Variants in SH3BP4 observed in about 807,000 individuals in gnomAD.
The protein encoded by SH3BP4 is SH3 domain binding protein 4.
In SH3BP4, 33 loss-of-function variants were observed where a neutral mutation model predicts 65.5. The ratio of observed to expected loss-of-function variants is 0.50; its 90% CI spans 0.38 to 0.67. The LOEUF (loss-of-function observed/expected upper bound fraction) is 0.67, where lower values mean the gene tolerates loss of function less well. Among genes scored for constraint, SH3BP4 ranks in the 30% least tolerant of loss-of-function variants. SH3BP4 has a pLI of 0.00. For missense variants in SH3BP4, 1,134 were observed against 1,261.4 expected (o/e 0.90, Z 1.53); for synonymous variants, 552 against 545.5 (o/e 1.01, Z -0.17).
rs149937861 is a variant in SH3BP4 at position 235,048,239 on chromosome 2, G to A, written c.2479-4323G>A. ...TGCCATGTGCAGAAGGCTTCCCCTC[G>A]AGTTTTGGGGCATGTTGGGAAGGAA... On this transcript the variant is annotated intron_variant, in intron 4 of 5. Transcript: ENST00000392011. 1.6e-4 allele frequency among the ~76,000 whole-genome samples: 25 copies of A among 152,302 alleles called. No individual in the cohort carries two copies. In the East Asian group the frequency reaches 3.7e-3, roughly 22 times the overall value.
chr2:235,022,019 A>G (rs1694858742), intron 2 of SH3BP4, among the ~76,000 whole-genome samples: 1 of 152,220 alleles, frequency 6.6e-6, no homozygotes, highest in Non-Finnish European at 1.5e-5. Context: ...TTTTAAGTAA[A>G]GGAAAATAGA....
intron 3 of SH3BP4, among the ~76,000 whole-genome samples, chr2:235,038,262 A>C (rs1361939883): frequency 4.0e-5 from 1 of 25,234 alleles, no homozygotes; most frequent in African/African-American, 3.9e-4. Flanking sequence ...TATATAATAT[A>C]TATTATATAT....
At position 235,055,646 on chromosome 2, in the gene SH3BP4, T is replaced by A. The variant is rs1696201515; in HGVS notation, c.*1830T>A. ...TGCAGTAAATTTTATTTGGATATTT[T>A]AACCTGTTAAGTGTGTGTGTGTTTT... On this transcript the variant is annotated 3_prime_UTR_variant, in exon 6 of 6. Transcript: ENST00000392011. 1 of 152,676 alleles carries A rather than the reference T, an allele frequency of 6.5e-6. No homozygotes were observed. Among genetic ancestry groups the A allele is most frequent in the African/African-American group, 2.4e-5 (1 of 41,456 alleles). 9.5% of individuals were successfully genotyped at this position (152,676 alleles called of 1,614,324 possible). A position where few individuals can be genotyped will look rare whatever the true frequency, so the allele number is the denominator to read the frequency against.
chr2:235,052,626 C>T lies in SH3BP4; in HGVS notation c.2543C>T (p.Thr848Ile). The T allele has an allele frequency of 6.4e-7, 1 of 1,568,630 alleles. No individual in the cohort carries two copies. The highest frequency in any genetic ancestry group is 8.6e-7 in the Non-Finnish European group (1 of 1,157,350). Residue 848 changes from threonine (T) to isoleucine (I), a missense_variant, in exon 5 of 6, where the codon ACC (threonine) becomes ATC (isoleucine). Coordinates refer to ENST00000392011, the MANE Select transcript of SH3BP4 (RefSeq NM_014521.3). This position sits in a 1 kb window ranked among gnomAD's most constrained non-coding sequence, Gnocchi z 5.0. ...CTCATCCAGGACTTTGTGCTCCTGA[C>T]CACGGCTGTAGAGGTGGCCCAGCGC... ...VRLIQDFVLL[T>I]TAVEVAQRWR...
rs1695275082 is a variant in SH3BP4 at position 235,033,689 on chromosome 2, G to C, written c.-132-1182G>C. Among the ~76,000 whole-genome samples, 1 of 152,190 alleles carries C rather than the reference G, an allele frequency of 6.6e-6. No individual in the cohort carries two copies. Among genetic ancestry groups the C allele is most frequent in the South Asian group, 2.1e-4 (1 of 4,824 alleles). ...TCCCTATAGCAGCATGTGGACACAC[G>C]CCTTGCTCTGCTCACTGCACAGGGG... On this transcript the variant is annotated intron_variant, in intron 2 of 5. Transcript: ENST00000392011. This position sits in a 1 kb window ranked among gnomAD's most constrained non-coding sequence, Gnocchi z 5.7.
intron 2 of SH3BP4, among the ~76,000 whole-genome samples, chr2:235,023,867 T>A (rs67246718): frequency 0.21 from 32,027 of 152,088 alleles, 3,652 homozygotes; most frequent in East Asian, 0.45. Flanking sequence ...TTCTGGAGAT[T>A]CGGTGCCCTC....
chr2:235,037,056 C>G (rs1400100543), intron 3 of SH3BP4, among the ~76,000 whole-genome samples: 3 of 152,176 alleles, frequency 2.0e-5, no homozygotes, highest in African/African-American at 7.2e-5. Context: ...GCCAAAGTAT[C>G]TGCCATGAAA....
chr2:234,987,576 G>A (rs1480469671), intron 1 of SH3BP4, among the ~76,000 whole-genome samples: 2 of 152,180 alleles, frequency 1.3e-5, no homozygotes, highest in Admixed American at 6.5e-5. Context: ...CCCAACATGG[G>A]CGGCTCATGG....
intron 2 of SH3BP4, among the ~76,000 whole-genome samples, chr2:235,020,874 C>G (rs1401200831): frequency 1.3e-5 from 2 of 152,166 alleles, no homozygotes; most frequent in Non-Finnish European, 2.9e-5. Flanking sequence ...ATTGGTAGTG[C>G]CAAGGCCCCA....
Position 235,034,974 on chromosome 2 carries a change from G to A in SH3BP4, c.-29G>A, listed in dbSNP as rs761282221. On this transcript the variant is annotated 5_prime_UTR_variant, in exon 3 of 6. It removes the in-frame stop codon of an upstream open reading frame in the 5' UTR. Coordinates refer to ENST00000392011, the MANE Select transcript of SH3BP4 (RefSeq NM_014521.3). The surrounding 1 kb of genome is among the most constrained non-coding windows in gnomAD (Gnocchi z 6.2). ...CTGGAGGAAGAAATATGAAGCCTTA[G>A]CGGCTTTACCCGGGAAGCGAGTTTC... 1 of 1,576,550 alleles carries A rather than the reference G, an allele frequency of 6.3e-7. No homozygotes were observed. The highest frequency in any genetic ancestry group is 1.1e-5 in the South Asian group (1 of 90,374).
chr2:234,963,041 C>T (rs1054430406), intron 1 of SH3BP4, among the ~76,000 whole-genome samples: 12 of 152,300 alleles, frequency 7.9e-5, no homozygotes, highest in Non-Finnish European at 1.5e-4. Context: ...TGAGCCACCA[C>T]GCCCGGCAAT....
intron 2 of SH3BP4, among the ~76,000 whole-genome samples, chr2:235,018,813 C>T (rs927723747): frequency 1.3e-5 from 2 of 152,144 alleles, no homozygotes; most frequent in African/African-American, 4.8e-5. Flanking sequence ...ACGGAGCTTA[C>T]CTTCCAGAGG....
intron 1 of SH3BP4, among the ~76,000 whole-genome samples, chr2:234,969,632 C>T (rs778185503): frequency 6.6e-6 from 1 of 152,184 alleles, no homozygotes; most frequent in African/African-American, 2.4e-5. Context: ...AATAAGCCTC[C>T]GCTTTTCCAC....
chr2:235,048,840 C>T (rs1002120490), intron 4 of SH3BP4, among the ~76,000 whole-genome samples: 3 of 152,334 alleles, frequency 2.0e-5, no homozygotes, highest in African/African-American at 7.2e-5. Flanking sequence ...ATGGTGTACT[C>T]ACTGTAACAA....
chr2:235,010,012 C>T (rs534605059), intron 2 of SH3BP4, among the ~76,000 whole-genome samples: 2 of 152,078 alleles, frequency 1.3e-5, no homozygotes, highest in Non-Finnish European at 2.9e-5. Flanking sequence ...GCTGGAGCTT[C>T]CTGGAGGGTC....
At chr2:235,049,245 G>C (rs1171948159) in intron 4 of SH3BP4, among the ~76,000 whole-genome samples, 2 of 152,208 alleles carry the variant, frequency 1.3e-5, no homozygotes, top group African/African-American at 2.4e-5. Context: ...GAGAACACCT[G>C]TGTTTCCCAG....
rs994748875 is a variant in SH3BP4, at chr2:235,052,368, C to T, written c.2479-194C>T. On this transcript the variant is annotated intron_variant, in intron 4 of 5. Transcript: ENST00000392011. This position sits in a 1 kb window ranked among gnomAD's most constrained non-coding sequence, Gnocchi z 5.0. ...GAGGGAGACACTGGTGAACCTGGCA[C>T]GCTCTGCACATCATCTCTTTTCTCC... 5.9e-5 allele frequency among the ~76,000 whole-genome samples: 9 copies of T among 152,106 alleles called. No individual in the cohort carries two copies. Among genetic ancestry groups the T allele is most frequent in the East Asian group, 1.9e-4 (1 of 5,186 alleles).
rs1270813367 is a variant in SH3BP4 at position 235,005,162 on chromosome 2, A to G, written c.-133+9786A>G. On this transcript the variant is annotated intron_variant, in intron 2 of 5. Coordinates refer to ENST00000392011, the MANE Select transcript of SH3BP4 (RefSeq NM_014521.3). The stretch of plus-strand genomic sequence containing the variant: ...TAGGCCAGGTGTTTGCCCAGGTGTC[A>G]CACAGGAGGCTTGCTGTGGAAAGGC... Among the ~76,000 whole-genome samples, 3 of 152,198 alleles carry G rather than the reference A, an allele frequency of 2.0e-5. No homozygotes were observed. The East Asian group carries it at 5.8e-4, about 29-fold the overall frequency.
chr2:234,991,208 G>A lies in SH3BP4; in HGVS notation c.-206-4095G>A, dbSNP rs1417618998. 6.6e-6 allele frequency among the ~76,000 whole-genome samples: 1 copy of A among 152,146 alleles called. No homozygotes were observed. Among genetic ancestry groups the A allele is most frequent in the African/African-American group, 2.4e-5 (1 of 41,426 alleles). On this transcript the variant is annotated intron_variant, in intron 1 of 5. Coordinates refer to ENST00000392011, the MANE Select transcript of SH3BP4 (RefSeq NM_014521.3). The surrounding 1 kb of genome is among the most constrained non-coding windows in gnomAD (Gnocchi z 4.2). The stretch of plus-strand genomic sequence containing the variant: ...TTTAGGACACAGTGGTCATCTCTGT[G>A]TGTGAATATAGCTTCCTGTTTGGAT...
Sources: gnomAD v4.1 joint callset for allele counts (sites outside exome capture counted in the v4.1 genomes callset) on GRCh38, gnomAD v4.1.1 for gene constraint, Gnocchi (gnomAD v3.1) non-coding constraint, MANE v1.5 for transcripts, NCBI Gene and HGNC (gene_info 2026-07-23, HGNC 2026-07-21) for gene names.